Variants in CCDC88C observed in about 807,000 individuals in gnomAD.
CCDC88C encodes the protein coiled-coil and HOOK domain protein 88C.
Under a neutral mutation model 198.8 loss-of-function variants are expected in CCDC88C, and 131 were observed. The observed-to-expected ratio is 0.66, with a 90% CI of 0.57 to 0.76. CCDC88C has a LOEUF of 0.76. Among genes scored for constraint, CCDC88C ranks in the 30% least tolerant of loss-of-function variants. CCDC88C has a pLI of 0.00. For synonymous variants in CCDC88C, 1,166 were observed against 1,114.7 expected, an observed-to-expected ratio of 1.05 and a Z score of -0.92; for missense variants, 2,553 against 2,631.6, an observed-to-expected ratio of 0.97 and a Z score of 0.65.
intron 4 of CCDC88C, among the ~76,000 whole-genome samples, chr14:91,346,457 T>C (rs1893548659): frequency 6.6e-6 from 1 of 151,408 alleles, no homozygotes; most frequent in African/African-American, 2.4e-5. Context: ...ATATTTGAAA[T>C]GGAAAAATTC....
At chr14:91,275,818 CTTTTTTTTTT>C (rs34204634) in intron 29 of CCDC88C, among the ~76,000 whole-genome samples, 2 of 82,310 alleles carry the variant, frequency 2.4e-5, no homozygotes, top group African/African-American at 1.0e-4. Flanking sequence ...ACCAGTGGTT[CTTTTTTTTTT>C]TTTTTTTTTT....
chr14:91,334,357 A>C (rs1892959447), intron 10 of CCDC88C, among the ~76,000 whole-genome samples: 1 of 151,970 alleles, frequency 6.6e-6, no homozygotes, highest in South Asian at 2.1e-4. Flanking sequence ...CAATCCTCCC[A>C]CTTCAGACTC....
chr14:91,412,465 T>C (rs1278697249), intron 2 of CCDC88C, among the ~76,000 whole-genome samples: 2 of 151,426 alleles, frequency 1.3e-5, no homozygotes, highest in African/African-American at 4.9e-5. Context: ...AGATGGAGTC[T>C]GGCTCTGTTG....
intron 6 of CCDC88C, 100 bp downstream of exon 6, chr14:91,342,280 T>C (rs1039639005): frequency 3.0e-5 from 21 of 691,260 alleles, no homozygotes; most frequent in African/African-American, 3.0e-4. Flanking sequence ...TAATGGGTGA[T>C]GTATTCTTCA....
chr14:91,387,508 C>G (rs1251142408), intron 3 of CCDC88C, among the ~76,000 whole-genome samples: 1 of 152,234 alleles, frequency 6.6e-6, no homozygotes, highest in East Asian at 1.9e-4. Flanking sequence ...CCTATAAGAG[C>G]TCTCTTTCTG....
intron 10 of CCDC88C, among the ~76,000 whole-genome samples, chr14:91,330,479 A>AG (rs939029447): frequency 6.6e-6 from 1 of 152,124 alleles, no homozygotes; most frequent in Non-Finnish European, 1.5e-5. Flanking sequence ...ACCATTAGGG[A>AG]GGCACTCCGC....
Position 91,362,247 on chromosome 14 carries a change from AG to A in CCDC88C, c.271-2537del, listed in dbSNP as rs1187570103. 9.5e-3 allele frequency among the ~76,000 whole-genome samples: 1,432 copies of A among 151,358 alleles called. 9 individuals are homozygous for A. Among genetic ancestry groups the A allele is most frequent in the Non-Finnish European group, 0.017 (1,118 of 67,622 alleles). On this transcript the variant is annotated intron_variant, in intron 3 of 29. Transcript: ENST00000389857. Reference sequence around the variant, plus strand: ...AGATTCTGTCTCAAAAAAAAAAAAAAGAAAAAAAAGACTACGTTCCAGTGTT... The same window carrying A: ...AGATTCTGTCTCAAAAAAAAAAAAAAAAAAAAAAGACTACGTTCCAGTGTT...
In CCDC88C at chr14:91,315,791, C is replaced by T. The variant is rs10134588; in HGVS notation, c.1528-4G>A. 0.023 allele frequency: 37,494 copies of T among 1,610,588 alleles called. 1,685 individuals are homozygous for T. The highest frequency in any genetic ancestry group is 0.18 in the African/African-American group (13,492 of 74,928). On this transcript the variant is annotated splice_polypyrimidine_tract_variant and splice_region_variant and intron_variant, in intron 13 of 29. Transcript: ENST00000389857. Reference sequence around the variant, plus strand: ...GCTGGGTTTGTAACTTTTCAATCTGCAGAACCAAAAGACCCAGCCCAGTGC... The same window carrying T: ...GCTGGGTTTGTAACTTTTCAATCTGTAGAACCAAAAGACCCAGCCCAGTGC...
At chr14:91,384,274 T>TC (rs1491549894) in intron 3 of CCDC88C, 224 of 14,308 alleles carry the variant, frequency 0.016, no homozygotes, top group Middle Eastern at 0.056. Context: ...CCCATCTCTC[T>TC]TTTTTTTTTT....
intron 3 of CCDC88C, among the ~76,000 whole-genome samples, chr14:91,362,929 A>AG (rs1446351855): frequency 6.7e-6 from 1 of 148,180 alleles, no homozygotes; most frequent in East Asian, 1.9e-4. Context: ...ACTCCATCTC[A>AG]GGAAAAAAAA....
intron 22 of CCDC88C, among the ~76,000 whole-genome samples, chr14:91,296,204 G>C (rs1225906715): frequency 6.6e-6 from 1 of 152,094 alleles, no homozygotes; most frequent in African/African-American, 2.4e-5. Flanking sequence ...CTCCCCAAAA[G>C]CCACCATCCT....
chr14:91,286,403 A>ATAC (rs1256247943), intron 25 of CCDC88C, among the ~76,000 whole-genome samples: 1 of 152,194 alleles, frequency 6.6e-6, no homozygotes, highest in Non-Finnish European at 1.5e-5. Flanking sequence ...CCTCCTTTGC[A>ATAC]TACTAAAAAA....
chr14:91,361,232 C>A (rs1009525679), intron 3 of CCDC88C, among the ~76,000 whole-genome samples: 2 of 152,088 alleles, frequency 1.3e-5, no homozygotes, highest in Non-Finnish European at 2.9e-5. Context: ...ACCAAGAAAG[C>A]TCCTGTTAGG....
intron 3 of CCDC88C, among the ~76,000 whole-genome samples, chr14:91,360,147 G>A (rs1038056834): frequency 3.3e-5 from 5 of 152,070 alleles, no homozygotes; most frequent in African/African-American, 4.8e-5. Context: ...GCCAGGCGCA[G>A]TGGTTAATGC....
chr14:91,399,502 T>A (rs1472001801), intron 3 of CCDC88C, among the ~76,000 whole-genome samples: 1 of 152,126 alleles, frequency 6.6e-6, no homozygotes, highest in African/African-American at 2.4e-5. Flanking sequence ...ATTCTCCAAA[T>A]GGGAGCAGGA....
intron 3 of CCDC88C, among the ~76,000 whole-genome samples, chr14:91,375,258 T>A (rs1179283543): frequency 1.3e-5 from 2 of 152,082 alleles, no homozygotes; most frequent in East Asian, 3.9e-4. Flanking sequence ...TGCGCGCGTG[T>A]CTGTGTGTGT....
chr14:91,283,754 G>A, intron 25 of CCDC88C: 1 of 558,942 alleles, frequency 1.8e-6, no homozygotes, highest in Non-Finnish European at 3.2e-6. Flanking sequence ...CTTTAATGCT[G>A]GGGTCATACT....
At chr14:91,277,856 G>A in intron 29 of CCDC88C, 66 bp downstream of exon 29, 1 of 1,436,872 alleles carries the variant, frequency 7.0e-7, no homozygotes, top group Non-Finnish European at 9.2e-7. Context: ...CTGCAGCTAT[G>A]ATCTTGAGCC....
At chr14:91,312,296 G>A (rs1472058677) in intron 15 of CCDC88C, among the ~76,000 whole-genome samples, 3 of 152,156 alleles carry the variant, frequency 2.0e-5, no homozygotes, top group African/African-American at 4.8e-5. Context: ...GCTGAGGCAG[G>A]AGAATCGCTT....
Sources: gnomAD v4.1 joint callset for allele counts (sites outside exome capture counted in the v4.1 genomes callset) on GRCh38, gnomAD v4.1.1 for gene constraint, MANE v1.5 for transcripts, NCBI Gene and HGNC (gene_info 2026-07-23, HGNC 2026-07-21) for gene names.